The following SOX5 variants were observed in gnomAD, a reference collection of about 807,000 sequenced individuals.
The protein encoded by SOX5 is transcription factor SOX-5.
In SOX5, 9 loss-of-function variants were observed where a neutral mutation model predicts 92.0. That is an observed-to-expected ratio of 0.10 (90% CI 0.06 to 0.17). The LOEUF (loss-of-function observed/expected upper bound fraction) is 0.17, where lower values mean the gene tolerates loss of function less well. Ranked by LOEUF, SOX5 falls within the 10% of genes least tolerant of loss-of-function variation. SOX5 has a pLI of 1.00. For synonymous variants in SOX5, 344 were observed against 336.3 expected, an observed-to-expected ratio of 1.02 and a Z score of -0.25; for missense variants, 642 against 944.5, an observed-to-expected ratio of 0.68 and a Z score of 4.20.
upstream of SOX5, among the ~76,000 whole-genome samples, chr12:23,950,234 C>T (rs961185586): frequency 6.6e-6 from 1 of 151,162 alleles, no homozygotes; most frequent in African/African-American, 2.4e-5. Context: ...CTTTTCTAGG[C>T]TCTCTCCGTT....
chr12:24,165,131 G>C (rs1953245565), intron 4 of SOX5, among the ~76,000 whole-genome samples: 6 of 152,078 alleles, frequency 3.9e-5, no homozygotes, highest in Admixed American at 3.9e-4. Flanking sequence ...TTGTGCATAT[G>C]CCTAGTTAAC....
chr12:24,539,211 C>G (rs1017939796), intron 1 of SOX5, among the ~76,000 whole-genome samples: 5 of 151,542 alleles, frequency 3.3e-5, no homozygotes, highest in African/African-American at 1.2e-4. Context: ...TACATAAACC[C>G]TGTGTTTAAA....
chr12:24,171,138 ATTTTT>A (rs71059984), intron 4 of SOX5, among the ~76,000 whole-genome samples: 186 of 85,154 alleles, frequency 2.2e-3, no homozygotes, highest in Non-Finnish European at 3.4e-3. Context: ...CCCAAGATCT[ATTTTT>A]TTTTTTTTTT....
intron 6 of SOX5, among the ~76,000 whole-genome samples, chr12:23,698,179 C>G (rs1443216175): frequency 6.6e-6 from 1 of 151,998 alleles, no homozygotes; most frequent in Non-Finnish European, 1.5e-5. Context: ...TTTTTAATCT[C>G]TGGCAGCTTT....
chr12:23,637,813 T>C (rs1243396243), intron 8 of SOX5, among the ~76,000 whole-genome samples: 1 of 152,160 alleles, frequency 6.6e-6, no homozygotes, highest in Non-Finnish European at 1.5e-5. Flanking sequence ...TGGTGTATTA[T>C]GTAACTAAAG....
chr12:23,979,371 C>T (rs1001189254), intron 4 of SOX5, among the ~76,000 whole-genome samples: 2 of 151,826 alleles, frequency 1.3e-5, no homozygotes, highest in Non-Finnish European at 1.5e-5. Context: ...TTACAGGCGC[C>T]CACCAACATG....
chr12:23,643,630 G>C (rs987193982), intron 7 of SOX5, among the ~76,000 whole-genome samples: 1 of 152,182 alleles, frequency 6.6e-6, no homozygotes, highest in Non-Finnish European at 1.5e-5. Context: ...TAGGTAACTA[G>C]CAGAAGAGAC....
chr12:24,097,422 A>G (rs1357142222), intron 4 of SOX5, among the ~76,000 whole-genome samples: 1 of 151,752 alleles, frequency 6.6e-6, no homozygotes, highest in Non-Finnish European at 1.5e-5. Context: ...TTTTTGTCAT[A>G]TCTACGAAAC....
At chr12:24,555,085 G>A (rs531484686) in intron 1 of SOX5, among the ~76,000 whole-genome samples, 18 of 152,204 alleles carry the variant, frequency 1.2e-4, no homozygotes, top group Non-Finnish European at 2.4e-4. Context: ...GTGGCTCTGC[G>A]ACTCATCACA....
chr12:23,571,678 T>G (rs978067875), intron 10 of SOX5, among the ~76,000 whole-genome samples: 1 of 152,174 alleles, frequency 6.6e-6, no homozygotes, highest in African/African-American at 2.4e-5. Flanking sequence ...TCTGGATAAG[T>G]TACTAGATTT....
chr12:23,710,711 G>A (rs191301876), intron 6 of SOX5, among the ~76,000 whole-genome samples: 1 of 152,186 alleles, frequency 6.6e-6, no homozygotes, highest in Admixed American at 6.5e-5. Context: ...ACGTGTGCAT[G>A]TGCCTTTATA....
intron 3 of SOX5, among the ~76,000 whole-genome samples, chr12:23,761,693 T>A (rs2094567846): frequency 6.6e-6 from 1 of 152,136 alleles, no homozygotes; most frequent in African/African-American, 2.4e-5. Context: ...ACGGCCAAAC[T>A]CTTGAAAAAT....
intron 1 of SOX5, among the ~76,000 whole-genome samples, chr12:24,473,374 G>A (rs77781273): frequency 0.019 from 2,824 of 152,280 alleles, 96 homozygotes; most frequent in African/African-American, 0.065. Flanking sequence ...GAGGAGATGT[G>A]GGCAAGTGGC....
intron 6 of SOX5, among the ~76,000 whole-genome samples, chr12:23,668,050 G>C (rs1339086676): frequency 6.6e-6 from 1 of 152,056 alleles, no homozygotes; most frequent in Admixed American, 6.6e-5. Flanking sequence ...GTAATTTTTT[G>C]TTTAAAAAGC....
At chr12:24,201,701 GTAC>G (rs2139553923) in intron 4 of SOX5, among the ~76,000 whole-genome samples, 2 of 152,242 alleles carry the variant, frequency 1.3e-5, no homozygotes, top group African/African-American at 4.8e-5. Flanking sequence ...GTATTAGTGA[GTAC>G]TACCCCCATC....
intron 4 of SOX5, among the ~76,000 whole-genome samples, chr12:23,750,593 T>A (rs992086566): frequency 2.6e-5 from 4 of 151,902 alleles, no homozygotes; most frequent in Admixed American, 2.0e-4. Context: ...AATGTGTTTA[T>A]AATTATTTTA....
intron 9 of SOX5, among the ~76,000 whole-genome samples, chr12:23,597,032 A>G (rs1952594050): frequency 6.6e-6 from 1 of 152,144 alleles, no homozygotes; most frequent in Non-Finnish European, 1.5e-5. Flanking sequence ...TTTGGGTTGC[A>G]CCTACTTTAC....
At chr12:23,613,860 C>T (rs931356571) in intron 8 of SOX5, among the ~76,000 whole-genome samples, 1 of 152,026 alleles carries the variant, frequency 6.6e-6, no homozygotes, top group African/African-American at 2.4e-5. Flanking sequence ...TTCAGGGGCT[C>T]AGGGGAGGGA....
chr12:23,534,220 C>T lies in SOX5; in HGVS notation c.2291G>A (p.Ter764=). 6.2e-7 allele frequency: 1 copy of T among 1,612,934 alleles called. No homozygotes were observed. The highest frequency in any genetic ancestry group is 1.3e-5 in the African/African-American group (1 of 74,988). Residue 764 remains the stop codon, a stop_retained_variant, in exon 15 of 15, where the codon TGA becomes TAA. Coordinates refer to ENST00000451604, the MANE Select transcript of SOX5 (RefSeq NM_006940.6). ...SENHIAGQAN[*] ...GTCACAACAATCTTTTGACCCTTATCAGTTGGCTTGTCCTGCAATATGGTT... is the reference window on the plus strand; with the variant it reads ...GTCACAACAATCTTTTGACCCTTATTAGTTGGCTTGTCCTGCAATATGGTT...
Sources: gnomAD v4.1 joint callset for allele counts (sites outside exome capture counted in the v4.1 genomes callset) on GRCh38, gnomAD v4.1.1 for gene constraint, MANE v1.5 for transcripts, NCBI Gene and HGNC (gene_info 2026-07-23, HGNC 2026-07-21) for gene names.